The following AASS variants were observed in gnomAD, a reference collection of about 807,000 sequenced individuals.
The protein encoded by AASS is aminoadipate-semialdehyde synthase, also known as alpha-aminoadipic semialdehyde synthase, mitochondrial.
A neutral mutation model predicts 105.4 loss-of-function variants in AASS; 86 were observed. The ratio of observed to expected loss-of-function variants is 0.82; its 90% confidence interval spans 0.69 to 0.98. The LOEUF (loss-of-function observed/expected upper bound fraction) is 0.98, where lower values mean the gene tolerates loss of function less well. Among genes scored for constraint, AASS ranks in the 50% least tolerant of loss-of-function variants. The pLI is 0.00. For missense variants in AASS, 1,048 were observed against 1,143.2 expected (o/e 0.92, Z 1.20); for synonymous variants, 381 against 394.8 (o/e 0.96, Z 0.41).
chr7:122,129,525 C>T lies in AASS; in HGVS notation c.223G>A (p.Ala75Thr), dbSNP rs1479290358. 3 of 1,613,180 alleles carry T rather than the reference C, an allele frequency of 1.9e-6. No individual in the cohort carries two copies. Among genetic ancestry groups the T allele is most frequent in the Non-Finnish European group, 2.5e-6 (3 of 1,179,494 alleles). Reference protein sequence around the residue: ...RAIHDKDYVKAGGILQEDISE... With the variant: ...RAIHDKDYVKTGGILQEDISE... ...ATATCCTCCTGAAGAATGCCACCAGCTTTGACATAGTCCTGAAATTGTAAT... is the reference window on the plus strand; with the variant it reads ...ATATCCTCCTGAAGAATGCCACCAGTTTTGACATAGTCCTGAAATTGTAAT... Residue 75 changes from alanine to threonine, a missense_variant, in exon 3 of 24, where the codon GCT becomes ACT. Physicochemically the swap from Ala to Thr is moderately conservative, Grantham distance 58. Transcript: ENST00000417368.
At chr7:122,138,569 C>T (rs1796254865) in intron 1 of AASS, among the ~76,000 whole-genome samples, 1 of 151,982 alleles carries the variant, frequency 6.6e-6, no homozygotes, top group Non-Finnish European at 1.5e-5. Flanking sequence ...CCATGGAAAG[C>T]GAAAACTTGG....
At chr7:122,096,406 G>A (rs960950052) in intron 15 of AASS, among the ~76,000 whole-genome samples, 2 of 152,050 alleles carry the variant, frequency 1.3e-5, no homozygotes, top group African/African-American at 4.8e-5. Flanking sequence ...GCTGAGGCAA[G>A]TAGATTGCTT....
intron 18 of AASS, among the ~76,000 whole-genome samples, chr7:122,090,601 G>A (rs1253335521): frequency 6.6e-6 from 1 of 152,144 alleles, no homozygotes; most frequent in Non-Finnish European, 1.5e-5. Flanking sequence ...ACACATCTAT[G>A]TGATCATATT....
chr7:122,086,275 G>GA lies in AASS; in HGVS notation c.2017-97dup, dbSNP rs540260669. 7.4e-3 allele frequency: 7,860 copies of GA among 1,064,212 alleles called. 2 individuals are homozygous for GA. The highest frequency in any genetic ancestry group is 9.7e-3 in the South Asian group (593 of 61,438). 65.9% of individuals were successfully genotyped at this position (1,064,212 alleles called of 1,614,324 possible). A position where few individuals can be genotyped will look rare whatever the true frequency, so the allele number is the denominator to read the frequency against. Reference sequence around the variant, plus strand: ...CGAACAAAGAAAGCAACAGAAATTTGAAAAAAAAAATAAAAATAATGAAAC... The same window carrying GA: ...CGAACAAAGAAAGCAACAGAAATTTGAAAAAAAAAAATAAAAATAATGAAAC... On this transcript the variant is annotated intron_variant, in intron 18 of 23. Coordinates refer to ENST00000417368, the MANE Select transcript of AASS (RefSeq NM_005763.4).
intron 11 of AASS, among the ~76,000 whole-genome samples, chr7:122,111,436 T>C (rs569390505): frequency 2.0e-5 from 3 of 152,200 alleles, no homozygotes; most frequent in African/African-American, 7.2e-5. Flanking sequence ...CTGTAAGAAG[T>C]GATAAATTAA....
chr7:122,129,561 G>A (rs747409612), intron 2 of AASS, 24 bp from the exon 3 acceptor site: 7 of 1,607,738 alleles, frequency 4.4e-6, no homozygotes, highest in African/African-American at 2.7e-5. Context: ...TATGATTAAA[G>A]GTTATTATCC....
At chr7:122,079,198 T>A (rs1793187760) in intron 21 of AASS, 1 of 1,402,046 alleles carries the variant, frequency 7.1e-7, no homozygotes, top group Non-Finnish European at 9.2e-7. Flanking sequence ...TGTAATCCCA[T>A]GTTCTTACAA....
At chr7:122,083,793 G>T (rs561215675) in intron 19 of AASS, among the ~76,000 whole-genome samples, 1 of 152,144 alleles carries the variant, frequency 6.6e-6, no homozygotes, top group Admixed American at 6.5e-5. Context: ...CAGGTGACAG[G>T]CAGGCAGAGA....
chr7:122,092,705 CAA>C, intron 17 of AASS, 136 bp downstream of exon 17: 1 of 744,826 alleles, frequency 1.3e-6, no homozygotes, highest in Non-Finnish European at 2.3e-6. Flanking sequence ...GCCTGGGCAA[CAA>C]GAGCAAAACT....
chr7:122,113,411 A>G (rs1464800343), intron 10 of AASS, among the ~76,000 whole-genome samples, 182 bp from the exon 11 acceptor site: 1 of 152,178 alleles, frequency 6.6e-6, no homozygotes, highest in African/African-American at 2.4e-5. Flanking sequence ...CCCATCTCAC[A>G]TTTAAATATA....
chr7:122,083,859 T>A (rs112900168), intron 19 of AASS, among the ~76,000 whole-genome samples: 1 of 152,080 alleles, frequency 6.6e-6, no homozygotes, highest in Non-Finnish European at 1.5e-5. Context: ...TCATCTCCAA[T>A]ACTGGAAAGA....
At chr7:122,139,588 G>A (rs1032501063) in intron 1 of AASS, among the ~76,000 whole-genome samples, 1 of 152,020 alleles carries the variant, frequency 6.6e-6, no homozygotes, top group Non-Finnish European at 1.5e-5. Context: ...GTCTGTTCTC[G>A]TTGGTATAAC....
At chr7:122,079,502 C>A (rs1461771104) in intron 21 of AASS, 95 bp downstream of exon 21, 1 of 1,146,784 alleles carries the variant, frequency 8.7e-7, no homozygotes, top group Non-Finnish European at 1.3e-6. Context: ...ACGAATTAAT[C>A]AAAGACAAAT....
intron 13 of AASS, among the ~76,000 whole-genome samples, chr7:122,099,725 C>T (rs1263985000): frequency 1.3e-5 from 2 of 151,760 alleles, no homozygotes; most frequent in African/African-American, 2.4e-5. Context: ...ATCTTTAGGC[C>T]ATAATGTCTC....
At chr7:122,096,530 A>T (rs1794161956) in intron 15 of AASS, among the ~76,000 whole-genome samples, 1 of 151,948 alleles carries the variant, frequency 6.6e-6, no homozygotes, top group African/African-American at 2.4e-5. Context: ...TGGGTGGTTG[A>T]GGTGGGAGGA....
chr7:122,127,689 C>A (rs1795718997), intron 3 of AASS, among the ~76,000 whole-genome samples: 1 of 152,094 alleles, frequency 6.6e-6, no homozygotes, highest in African/African-American at 2.4e-5. Context: ...TAGGTATTTT[C>A]CATTGCTTTT....
At chr7:122,085,692 G>A (rs1018037016) in intron 19 of AASS, among the ~76,000 whole-genome samples, 11 of 152,146 alleles carry the variant, frequency 7.2e-5, no homozygotes, top group South Asian at 2.1e-4. Flanking sequence ...CTCTGCCATC[G>A]CACAGCACTT....
At position 122,115,127 on chromosome 7, in the gene AASS, A is replaced by T; in HGVS notation, c.990T>A (p.Ala330=). The T allele has an allele frequency of 6.2e-7, 1 of 1,614,172 alleles. No individual in the cohort carries two copies. Among genetic ancestry groups the T allele is most frequent in the Non-Finnish European group, 8.5e-7 (1 of 1,180,032 alleles). Residue 330 remains alanine (A), a synonymous_variant, in exon 9 of 24, where the codon GCT becomes GCA. Coordinates refer to ENST00000417368, the MANE Select transcript of AASS (RefSeq NM_005763.4). ...CACCAGCAGGTGAGAACTTGCCCGG[A>T]GCCAGGAGACTCTGAGCATCTTGGC... ...LTRQDAQSLL[A]PGKFSPAGVE...
chr7:122,098,146 G>A (rs186180375), intron 15 of AASS, among the ~76,000 whole-genome samples: 3 of 152,102 alleles, frequency 2.0e-5, no homozygotes, highest in East Asian at 1.9e-4. Flanking sequence ...GAAACTAAAT[G>A]TCAGAAGCCA....
Sources: allele counts gnomAD v4.1 joint callset (sites outside exome capture counted in the v4.1 genomes callset), GRCh38; gene constraint gnomAD v4.1.1; transcripts MANE v1.5; gene names NCBI Gene and HGNC (gene_info 2026-07-23, HGNC 2026-07-21).